ZNF37A: variants seen among roughly 807,000 people sequenced by gnomAD.
ZNF37A encodes zinc finger protein 37a (KOX 21).
ZNF37A carries 10 observed loss-of-function variants against 12.3 expected under a neutral mutation model. That is an observed-to-expected ratio of 0.82 (90% CI 0.50 to 1.38). The LOEUF is 1.38. Among genes scored for constraint, ZNF37A ranks in the 40% most tolerant of loss-of-function variants. ZNF37A has a pLI of 0.00. For synonymous variants in ZNF37A, 207 were observed against 223.0 expected, an observed-to-expected ratio of 0.93 and a Z score of 0.64; for missense variants, 580 against 651.2, an observed-to-expected ratio of 0.89 and a Z score of 1.19.
intron 5 of ZNF37A, among the ~76,000 whole-genome samples, chr10:38,105,967 C>A (rs186175715): frequency 8.1e-6 from 1 of 123,454 alleles, no homozygotes; most frequent in African/African-American, 3.1e-5. Context: ...ATTTGAATGT[C>A]TTTTATTTTT....
chr10:38,114,616 A>G, intron 5 of ZNF37A, 139 bp from the exon 6 acceptor site: 1 of 1,016,836 alleles, frequency 9.8e-7, no homozygotes, highest in Admixed American at 2.2e-5. Flanking sequence ...ACATAAAACA[A>G]CATATATCAT....
Position 38,095,791 on chromosome 10 carries a change from G to A in ZNF37A, c.-58G>A, listed in dbSNP as rs1182915718. 6.6e-6 allele frequency: 1 copy of A among 152,170 alleles called. No individual in the cohort carries two copies. Among genetic ancestry groups the A allele is most frequent in the Non-Finnish European group, 1.5e-5 (1 of 68,044 alleles). The allele number at this position is 152,170 out of a possible 1,614,324, so 9.4% of individuals were successfully genotyped here. On this transcript the variant is annotated 5_prime_UTR_variant, in exon 4 of 8. Transcript: ENST00000685332. The stretch of plus-strand genomic sequence containing the variant: ...TTGAGGACTCAGGAGGGTGTTTGCT[G>A]CGTTGACAACAGAGTAAGTAAAAAT...
At chr10:38,108,683 C>T (rs1239723473) in intron 5 of ZNF37A, among the ~76,000 whole-genome samples, 1 of 152,126 alleles carries the variant, frequency 6.6e-6, no homozygotes, top group Non-Finnish European at 1.5e-5. Flanking sequence ...ATACAAACTA[C>T]CATCAGAGAA....
At chr10:38,108,781 C>T (rs946527475) in intron 5 of ZNF37A, among the ~76,000 whole-genome samples, 5 of 152,082 alleles carry the variant, frequency 3.3e-5, no homozygotes, top group African/African-American at 1.2e-4. Context: ...AAGTCTAAAG[C>T]AGGAAGAAGT....
At position 38,117,859 on chromosome 10, in the gene ZNF37A, C is replaced by A; in HGVS notation, c.708C>A (p.Thr236=). Residue 236 remains threonine (T), a synonymous_variant, in exon 8 of 8, where the codon ACC becomes ACA. Transcript: ENST00000685332. ...QKLNLTPIQR[T]HSINNIIEYN... ...TAAATCTCACTCCAATTCAGAGAAC[C>A]CACTCAATTAACAATATTATTGAAT... 6.2e-7 allele frequency: 1 copy of A among 1,613,928 alleles called. No homozygotes were observed. Among genetic ancestry groups the A allele is most frequent in the Non-Finnish European group, 8.5e-7 (1 of 1,179,962 alleles).
downstream of ZNF37A, among the ~76,000 whole-genome samples, chr10:38,125,706 A>T (rs2069914925): frequency 6.6e-6 from 1 of 152,176 alleles, no homozygotes. Flanking sequence ...TATACAATTG[A>T]TGTTTATGGG....
chr10:38,134,512 A>C (rs1186897599), intron 7 of ZNF37A, among the ~76,000 whole-genome samples: 1 of 152,212 alleles, frequency 6.6e-6, no homozygotes, highest in African/African-American at 2.4e-5. Context: ...TCCTTCTAAC[A>C]GTCAGGACCC....
At chr10:38,112,744 T>TG (rs2068844894) in intron 5 of ZNF37A, among the ~76,000 whole-genome samples, 3 of 33,216 alleles carry the variant, frequency 9.0e-5, no homozygotes, top group African/African-American at 4.2e-4. Context: ...TCTTTTCTTT[T>TG]CTTTTCTTTT....
In ZNF37A at chr10:38,117,573, A is replaced by G. The variant is rs536653446; in HGVS notation, c.422A>G (p.Asn141Ser). The change falls in exon 8 of 8, where the codon AAT (asparagine) becomes AGT (serine). Residue 141 changes from asparagine to serine, a missense_variant. Physicochemically the swap from Asn to Ser is conservative, Grantham distance 46 (BLOSUM62 1). Transcript: ENST00000685332. ...EDLIWHQKIK[N>S]WEQSFEYNEC... ...CTCATTTGGCATCAGAAAATTAAAA[A>G]TTGGGAACAATCTTTTGAATACAAT... is the stretch of plus-strand genomic sequence containing the variant. 1.6e-5 allele frequency: 26 copies of G among 1,613,422 alleles called. No homozygotes were observed. In the African/African-American group the frequency reaches 3.1e-4, roughly 19 times the overall value.
intron 5 of ZNF37A, among the ~76,000 whole-genome samples, chr10:38,097,583 CAAAAAAAAAAA>C (rs71007695): frequency 2.3e-4 from 14 of 61,948 alleles, no homozygotes; most frequent in Non-Finnish European, 3.5e-4. Context: ...GACTCTGTCT[CAAAAAAAAAAA>C]AAAAAAAAAA....
At chr10:38,099,518 T>A (rs1564912221) in intron 5 of ZNF37A, among the ~76,000 whole-genome samples, 1 of 152,250 alleles carries the variant, frequency 6.6e-6, no homozygotes, top group Non-Finnish European at 1.5e-5. Context: ...AATTCATCTG[T>A]CAGTGGACAT....
intron 5 of ZNF37A, among the ~76,000 whole-genome samples, chr10:38,112,157 C>G (rs539807769): frequency 1.4e-5 from 2 of 141,918 alleles, no homozygotes; most frequent in Non-Finnish European, 3.1e-5. Context: ...TAAAAAAAAA[C>G]CCAACAAAAC....
At chr10:38,098,737 C>A (rs2067335580) in intron 5 of ZNF37A, among the ~76,000 whole-genome samples, 1 of 152,168 alleles carries the variant, frequency 6.6e-6, no homozygotes. Context: ...CTCAGCCATA[C>A]TCATGTATTT....
chr10:38,112,209 T>C (rs2068744894), intron 5 of ZNF37A, among the ~76,000 whole-genome samples: 2 of 152,014 alleles, frequency 1.3e-5, no homozygotes, highest in Non-Finnish European at 2.9e-5. Context: ...CCTGGGGCAC[T>C]TTTTAAGCAC....
At chr10:38,097,031 ATGTT>A (rs1279729280) in intron 5 of ZNF37A, among the ~76,000 whole-genome samples, 1 of 152,202 alleles carries the variant, frequency 6.6e-6, no homozygotes, top group African/African-American at 2.4e-5. Flanking sequence ...TTTACAGAAA[ATGTT>A]TGCTGATTTC....
At chr10:38,146,550 G>T (rs2070257423) in intron 7 of ZNF37A, among the ~76,000 whole-genome samples, 1 of 152,106 alleles carries the variant, frequency 6.6e-6, no homozygotes, top group Non-Finnish European at 1.5e-5. Flanking sequence ...TCTACTGTTG[G>T]GTTGATCCTG....
chr10:38,142,321 G>C (rs1294342164), intron 7 of ZNF37A: 1 of 152,158 alleles, frequency 6.6e-6, no homozygotes, highest in Non-Finnish European at 1.5e-5. Context: ...TTTATGCAGA[G>C]AGAACAATAT....
At chr10:38,127,001 T>G (rs1315578674), downstream of ZNF37A, among the ~76,000 whole-genome samples, 1 of 152,200 alleles carries the variant, frequency 6.6e-6, no homozygotes, top group Admixed American at 6.6e-5. Context: ...CTTTCAGTAT[T>G]CTCTAATAAA....
intron 7 of ZNF37A, among the ~76,000 whole-genome samples, chr10:38,132,592 C>T (rs2070043845): frequency 6.6e-6 from 1 of 152,030 alleles, no homozygotes; most frequent in Non-Finnish European, 1.5e-5. Context: ...AGATAGTCAA[C>T]ACTTTATTAT....
Sources: gnomAD v4.1 joint callset for allele counts (sites outside exome capture counted in the v4.1 genomes callset) on GRCh38, gnomAD v4.1.1 for gene constraint, MANE v1.5 for transcripts, NCBI Gene and HGNC (gene_info 2026-07-23, HGNC 2026-07-21) for gene names.